The following DNMT3A variants were observed in gnomAD, a reference collection of about 807,000 sequenced individuals.
The protein encoded by DNMT3A is DNA (cytosine-5)-methyltransferase 3A.
A neutral mutation model predicts 117.6 loss-of-function variants in DNMT3A; 267 were observed. The ratio of observed to expected loss-of-function variants is 2.27; its 90% CI spans 2.05 to 2.51. The LOEUF is 2.51. DNMT3A is among the 30% of genes most tolerant of loss of function. The pLI is 0.00. For missense variants in DNMT3A, 1,029 were observed against 1,260.2 expected, an observed-to-expected ratio of 0.82 and a Z score of 2.78; for synonymous variants, 432 against 474.8, an observed-to-expected ratio of 0.91 and a Z score of 1.17.
At chr2:25,295,049 C>T (rs983234777) in intron 3 of DNMT3A, among the ~76,000 whole-genome samples, 8 of 152,228 alleles carry the variant, frequency 5.3e-5, no homozygotes, top group African/African-American at 7.2e-5. Flanking sequence ...ACTCACCCCC[C>T]AGGGCCTTGT....
At chr2:25,300,717 ATATATATATATATATATATAT>A (rs1341809103) in intron 2 of DNMT3A, among the ~76,000 whole-genome samples, 1 of 3,880 alleles carries the variant, frequency 2.6e-4, no homozygotes, top group East Asian at 6.3e-3. Context: ...AATATAATAT[ATATATATATATATATATATAT>A]ATATATATAT....
chr2:25,252,173 G>GGGC lies in DNMT3A; in HGVS notation c.640-3924_640-3922dup. ...CGCCTCCCCGCCCCCGGTCTCCCCG[G>GGGC]GGCTCCGTCCAGGAACCTACCCATA... On this transcript the variant is annotated intron_variant, in intron 6 of 22. Coordinates refer to ENST00000321117, the MANE Select transcript of DNMT3A (RefSeq NM_022552.5). This position sits in a 1 kb window ranked among gnomAD's most constrained non-coding sequence, Gnocchi z 5.5. 1 of 1,561,640 alleles carries GGGC rather than the reference G, an allele frequency of 6.4e-7. No individual in the cohort carries two copies. The highest frequency in any genetic ancestry group is 8.7e-7 in the Non-Finnish European group (1 of 1,154,890).
At chr2:25,331,874 G>A (rs1318174890) in intron 1 of DNMT3A, among the ~76,000 whole-genome samples, 1 of 151,926 alleles carries the variant, frequency 6.6e-6, no homozygotes, top group African/African-American at 2.4e-5. Flanking sequence ...CTCCATGTGG[G>A]AGGCACCTCC....
At chr2:25,284,506 G>A (rs2032134996) in intron 3 of DNMT3A, among the ~76,000 whole-genome samples, 2 of 151,704 alleles carry the variant, frequency 1.3e-5, no homozygotes, top group Admixed American at 6.6e-5. Flanking sequence ...AATTAGCTGG[G>A]TGTGGTGGTG....
Position 25,243,912 on chromosome 2 carries a change from TCAAAGAGAGACAG to T in DNMT3A, c.1909_1921del (p.Leu637MetfsTer10). Reference sequence around the variant, plus strand: ...GCACCCCTCACCTGTAGCGATTCCATCAAAGAGAGACAGCACCCGGATGGGCTTCCTCTTCTCA... The same window carrying T: ...GCACCCCTCACCTGTAGCGATTCCATCACCCGGATGGGCTTCCTCTTCTCA... On this transcript the variant is annotated frameshift_variant, in exon 16 of 23. Transcript: ENST00000321117. LOFTEE classifies it high-confidence loss of function. The T allele has an allele frequency of 6.4e-7, 1 of 1,551,992 alleles. No homozygotes were observed. Among genetic ancestry groups the T allele is most frequent in the Non-Finnish European group, 8.7e-7 (1 of 1,147,070 alleles).
intron 2 of DNMT3A, among the ~76,000 whole-genome samples, chr2:25,300,693 T>A (rs57635327): frequency 1.9e-4 from 10 of 51,608 alleles, no homozygotes; most frequent in East Asian, 6.8e-4. Flanking sequence ...AGATATATAT[T>A]TATATATCTA....
rs1333966582 is a variant in DNMT3A, at chr2:25,257,251, T to A, written c.640-8999A>T. 6.6e-6 allele frequency among the ~76,000 whole-genome samples: 1 copy of A among 152,178 alleles called. No homozygotes were observed. The highest frequency in any genetic ancestry group is 1.5e-5 in the Non-Finnish European group (1 of 68,034). Reference sequence around the variant, plus strand: ...AACTAAGCAGGGGGAAGGTGTCAGATGTGCACCCGGAGAGCAGAGGGGTCC... The same window carrying A: ...AACTAAGCAGGGGGAAGGTGTCAGAAGTGCACCCGGAGAGCAGAGGGGTCC... On this transcript the variant is annotated intron_variant, in intron 6 of 22. Transcript: ENST00000321117. This position sits in a 1 kb window ranked among gnomAD's most constrained non-coding sequence, Gnocchi z 4.8.
Position 25,240,366 on chromosome 2 carries a change from C to A in DNMT3A, c.2258G>T (p.Trp753Leu), listed in dbSNP as rs775537912. 1.9e-6 allele frequency: 3 copies of A among 1,614,040 alleles called. No homozygotes were observed. Among genetic ancestry groups the A allele is most frequent in the East Asian group, 2.2e-5 (1 of 44,878 alleles). ...PKEGDDRPFFWLFENVVAMGV... is the reference protein window; with the variant it reads ...PKEGDDRPFFLLFENVVAMGV... Reference sequence around the variant, plus strand: ...CATGGCCACCACATTCTCAAAGAGCCAGAAGAAGGGGCGATCATCTCCCTC... The same window carrying A: ...CATGGCCACCACATTCTCAAAGAGCAAGAAGAAGGGGCGATCATCTCCCTC... Residue 753 changes from tryptophan (W) to leucine (L), a missense_variant, in exon 19 of 23, where the codon TGG (tryptophan) becomes TTG (leucine). Physicochemically the swap from Trp to Leu is moderately conservative, Grantham distance 61. Transcript: ENST00000321117.
chr2:25,234,473 C>A lies in DNMT3A; in HGVS notation c.2598-53G>T. The A allele has an allele frequency of 6.4e-7, 1 of 1,565,974 alleles. No individual in the cohort carries two copies. The highest frequency in any genetic ancestry group is 1.4e-5 in the African/African-American group (1 of 73,860). ...GGTGAGTGCTGGCCAGACCAGGCTGCCCGGAAGCCGTCTAACCACACAGCA... is the reference window on the plus strand; with the variant it reads ...GGTGAGTGCTGGCCAGACCAGGCTGACCGGAAGCCGTCTAACCACACAGCA... On this transcript the variant is annotated intron_variant, in intron 22 of 22. Coordinates refer to ENST00000321117, the MANE Select transcript of DNMT3A (RefSeq NM_022552.5). This position sits in a 1 kb window ranked among gnomAD's most constrained non-coding sequence, Gnocchi z 4.5.
intron 4 of DNMT3A, among the ~76,000 whole-genome samples, chr2:25,276,055 G>A (rs1387792153): frequency 2.0e-5 from 3 of 152,108 alleles, no homozygotes; most frequent in South Asian, 2.1e-4. Flanking sequence ...ACTGGGGGGC[G>A]GTGGGTACCG....
chr2:25,314,582 C>A, intron 1 of DNMT3A: 1 of 985,398 alleles, frequency 1.0e-6, no homozygotes. Context: ...TCCTCACCCC[C>A]ACCCCCACAC....
rs1229152255 is a variant in DNMT3A at position 25,332,722 on chromosome 2, C to T, written c.-178+9104G>A. Among the ~76,000 whole-genome samples, 4 of 152,262 alleles carry T rather than the reference C, an allele frequency of 2.6e-5. No individual in the cohort carries two copies. The East Asian group carries it at 5.8e-4, about 22-fold the overall frequency. The stretch of plus-strand genomic sequence containing the variant: ...AGAGGTGACTGACTGCCCAGCCCCA[C>T]TGGGCTTCCCAGCTGAGCTTCCAGT... On this transcript the variant is annotated intron_variant, in intron 1 of 22. Transcript: ENST00000321117.
chr2:25,317,928 T>C (rs980243147), intron 1 of DNMT3A, among the ~76,000 whole-genome samples: 24 of 151,916 alleles, frequency 1.6e-4, no homozygotes, highest in Non-Finnish European at 2.9e-4. Context: ...AGAGATGGGG[T>C]TTCTCCATGT....
Position 25,282,137 on chromosome 2 carries a change from G to T in DNMT3A, c.448+304C>A. 8.7e-7 allele frequency: 1 copy of T among 1,150,454 alleles called. No homozygotes were observed. Among genetic ancestry groups the T allele is most frequent in the Non-Finnish European group, 1.1e-6 (1 of 890,636 alleles). The allele number at this position is 1,150,454 out of a possible 1,614,324, so 71.3% of individuals were successfully genotyped here. A position where few individuals can be genotyped will look rare whatever the true frequency, so the allele number is the denominator to read the frequency against. On this transcript the variant is annotated intron_variant, in intron 4 of 22. Coordinates refer to ENST00000321117, the MANE Select transcript of DNMT3A (RefSeq NM_022552.5). The surrounding 1 kb of genome is among the most constrained non-coding windows in gnomAD (Gnocchi z 5.2). ...GCAATCGTTGGCGTTATGAAAGCCC[G>T]CTGTTGCCAGATCTAGCTTTTTTTT...
chr2:25,234,572 G>T lies in DNMT3A; in HGVS notation c.2598-152C>A. The T allele has an allele frequency of 2.4e-6, 2 of 837,766 alleles. No homozygotes were observed. Among genetic ancestry groups the T allele is most frequent in the Non-Finnish European group, 1.8e-6 (1 of 561,780 alleles). The allele number at this position is 837,766 out of a possible 1,614,324, so 51.9% of individuals were successfully genotyped here. ...ACACCCACCAACTCCTCTGACGCCT[G>T]CTTAGTTCTGCCGAATCTTCTGTCC... On this transcript the variant is annotated intron_variant, in intron 22 of 22. Transcript: ENST00000321117. The surrounding 1 kb of genome is among the most constrained non-coding windows in gnomAD (Gnocchi z 4.5).
rs866376941 is a variant in DNMT3A, at chr2:25,311,036, G to A, written c.72+2877C>T. Among the ~76,000 whole-genome samples, 10 of 151,964 alleles carry A rather than the reference G, an allele frequency of 6.6e-5. No homozygotes were observed. The highest frequency in any genetic ancestry group is 1.3e-4 in the Admixed American group (2 of 15,264). On this transcript the variant is annotated intron_variant, in intron 2 of 22. Coordinates refer to ENST00000321117, the MANE Select transcript of DNMT3A (RefSeq NM_022552.5). The surrounding 1 kb of genome is among the most constrained non-coding windows in gnomAD (Gnocchi z 5.2). ...AAGAGATTAGGGAAAGGGCCCATGC[G>A]GCAGAGGGAGCAGCATAAACAAAGA...
intron 4 of DNMT3A, among the ~76,000 whole-genome samples, chr2:25,279,798 T>G (rs967122744): frequency 1.3e-4 from 20 of 152,202 alleles, no homozygotes; most frequent in Admixed American, 1.0e-3. Context: ...GTGATTCTCC[T>G]GTCTCAGACT....
chr2:25,228,863 A>C lies in DNMT3A; in HGVS notation c.*5416T>G, dbSNP rs1672769742. On this transcript the variant is annotated 3_prime_UTR_variant, in exon 23 of 23. Coordinates refer to ENST00000321117, the MANE Select transcript of DNMT3A (RefSeq NM_022552.5). ...GCTTTAGACCGCTGCTCATGTTCTC[A>C]GGCACAGGGTTGGAGGCCGCTAGGC... 6.6e-6 allele frequency: 1 copy of C among 152,228 alleles called. No individual in the cohort carries two copies. Among genetic ancestry groups the C allele is most frequent in the East Asian group, 1.9e-4 (1 of 5,198 alleles). 9.4% of individuals were successfully genotyped at this position (152,228 alleles called of 1,614,324 possible).
chr2:25,284,645 T>TAAAAAAAA (rs56901099), intron 3 of DNMT3A, among the ~76,000 whole-genome samples: 4 of 16,644 alleles, frequency 2.4e-4, no homozygotes, highest in African/African-American at 8.3e-4. Context: ...AGACTCCATC[T>TAAAAAAAA]AAAAAAAAAA....
Sources: gnomAD v4.1 joint callset for allele counts (sites outside exome capture counted in the v4.1 genomes callset) on GRCh38, gnomAD v4.1.1 for gene constraint, Gnocchi (gnomAD v3.1) non-coding constraint, MANE v1.5 for transcripts, NCBI Gene and HGNC (gene_info 2026-07-23, HGNC 2026-07-21) for gene names.